TMEM106A: variants seen among roughly 807,000 people sequenced by gnomAD.
TMEM106A encodes the protein transmembrane protein 106A.
A neutral mutation model predicts 25.1 loss-of-function variants in TMEM106A; 22 were observed. The observed-to-expected ratio is 0.88, with a 90% CI of 0.63 to 1.25. The LOEUF (loss-of-function observed/expected upper bound fraction) is 1.25, where lower values mean the gene tolerates loss of function less well. TMEM106A is among the 50% of genes most tolerant of loss of function. TMEM106A has a pLI of 0.00. For missense variants in TMEM106A, 275 were observed against 318.1 expected (o/e 0.86, Z 1.03); for synonymous variants, 104 against 129.9 (o/e 0.80, Z 1.35).
In TMEM106A at chr17:43,217,713, C is replaced by T; in HGVS notation, c.701C>T (p.Ser234Leu). ...GTLTCSYLSH[S>L]EQLVFQSYEY... ...CTGACCTGTTCATACCTGAGCCATTCAGAGCAGCTGGTCTTTCAGAGCTAT... is the reference window on the plus strand; with the variant it reads ...CTGACCTGTTCATACCTGAGCCATTTAGAGCAGCTGGTCTTTCAGAGCTAT... Residue 234 changes from serine to leucine, a missense_variant, in exon 9 of 9, where the codon TCA becomes TTA. Transcript: ENST00000612339. 1 of 1,614,200 alleles carries T rather than the reference C, an allele frequency of 6.2e-7. No homozygotes were observed. The highest frequency in any genetic ancestry group is 8.5e-7 in the Non-Finnish European group (1 of 1,180,026).
intron 7 of TMEM106A, chr17:43,216,957 T>G (rs1354655370): frequency 1.5e-6 from 1 of 652,980 alleles, no homozygotes; most frequent in Non-Finnish European, 2.7e-6. Flanking sequence ...TTGGTTAATC[T>G]TTACAATATG....
rs574551521 is a variant in TMEM106A at position 43,216,178 on chromosome 17, G to A, written c.429+237G>A. On this transcript the variant is annotated intron_variant, in intron 5 of 8. Transcript: ENST00000612339. ...GATAAGTAAACCACAGGGGTGGAGT[G>A]GGGTGACAGTGCCTGAGACTCTCTG... is the stretch of plus-strand genomic sequence containing the variant. 6 of 651,068 alleles carry A rather than the reference G, an allele frequency of 9.2e-6. No homozygotes were observed. In the East Asian group the frequency reaches 1.6e-4, roughly 18 times the overall value. 40.3% of individuals were successfully genotyped at this position (651,068 alleles called of 1,614,324 possible). A position where few individuals can be genotyped will look rare whatever the true frequency, so the allele number is the denominator to read the frequency against.
intron 2 of TMEM106A, 48 bp from the exon 3 acceptor site, chr17:43,212,973 C>A: frequency 6.8e-7 from 1 of 1,470,818 alleles, no homozygotes; most frequent in Non-Finnish European, 9.5e-7. Flanking sequence ...TTACATCTGG[C>A]GTCAGTGCTA....
At chr17:43,216,333 C>A in intron 5 of TMEM106A, 116 bp from the exon 6 acceptor site, 1 of 1,406,630 alleles carries the variant, frequency 7.1e-7, no homozygotes, top group African/African-American at 1.4e-5. Context: ...TCCTCTGCAC[C>A]TGAAGCTTGT....
intron 5 of TMEM106A, 148 bp downstream of exon 5, chr17:43,216,089 A>G (rs1451926316): frequency 1.1e-6 from 1 of 944,830 alleles, no homozygotes; most frequent in Non-Finnish European, 1.6e-6. Context: ...AGGAGCAACC[A>G]TGAGCTCCAT....
chr17:43,216,354 G>T, intron 5 of TMEM106A, 95 bp from the exon 6 acceptor site: 1 of 1,510,006 alleles, frequency 6.6e-7, no homozygotes, highest in African/African-American at 1.4e-5. Context: ...CATGGTAGAT[G>T]GGGCTCAGGC....
chr17:43,216,834 T>G, intron 7 of TMEM106A, 94 bp downstream of exon 7: 1 of 1,545,912 alleles, frequency 6.5e-7, no homozygotes. Flanking sequence ...TAGCAAATTC[T>G]TCAGCCAGCA....
rs550501014 is a variant in TMEM106A at position 43,214,966 on chromosome 17, A to C, written c.276-822A>C. Among the ~76,000 whole-genome samples the C allele has an allele frequency of 5.3e-5, 8 of 150,040 alleles. No individual in the cohort carries two copies. In the South Asian group the frequency reaches 1.1e-3, roughly 20 times the overall value. ...CAGAGCGAGGCCTCATCTGAAAAAAAAAAAAAAACAAAAAAAAACCCTGTA... is the reference window on the plus strand; with the variant it reads ...CAGAGCGAGGCCTCATCTGAAAAAACAAAAAAAACAAAAAAAAACCCTGTA... On this transcript the variant is annotated intron_variant, in intron 4 of 8. Coordinates refer to ENST00000612339, the MANE Select transcript of TMEM106A (RefSeq NM_145041.4).
At position 43,217,249 on chromosome 17, in the gene TMEM106A, TC is replaced by T. The variant is rs759963121; in HGVS notation, c.615-9del. The T allele has an allele frequency of 6.2e-7, 1 of 1,614,038 alleles. No homozygotes were observed. Among genetic ancestry groups the T allele is most frequent in the Non-Finnish European group, 8.5e-7 (1 of 1,179,908 alleles). On this transcript the variant is annotated splice_polypyrimidine_tract_variant and intron_variant, in intron 7 of 8. Coordinates refer to ENST00000612339, the MANE Select transcript of TMEM106A (RefSeq NM_145041.4). ...CACGTGGTCCCACGTTCTCTTTTCTTCTCTCTCAGCAAAATCTGTACCTGGC... is the reference window on the plus strand; with the variant it reads ...CACGTGGTCCCACGTTCTCTTTTCTTTCTCTCAGCAAAATCTGTACCTGGC...
chr17:43,217,233 C>G, intron 7 of TMEM106A, 26 bp from the exon 8 acceptor site: 1 of 1,613,910 alleles, frequency 6.2e-7, no homozygotes. Context: ...ACACGTGGTC[C>G]CACGTTCTCT....
rs375412578 is a variant in TMEM106A at position 43,216,748 on chromosome 17, C to A, written c.614+8C>A. On this transcript the variant is annotated splice_region_variant and intron_variant, in intron 7 of 8. Transcript: ENST00000612339. Reference sequence around the variant, plus strand: ...ACGGGATGAAAACACATAGTGAGTACCCCTTGATCTCTTCTCCCCTAGCCA... The same window carrying A: ...ACGGGATGAAAACACATAGTGAGTAACCCTTGATCTCTTCTCCCCTAGCCA... The A allele has an allele frequency of 2.5e-6, 4 of 1,614,164 alleles. No individual in the cohort carries two copies. In the Admixed American group the frequency reaches 6.7e-5, roughly 27 times the overall value.
chr17:43,216,352 A>C (rs1426624815), intron 5 of TMEM106A, 97 bp from the exon 6 acceptor site: 3 of 1,504,826 alleles, frequency 2.0e-6, no homozygotes, highest in South Asian at 2.4e-5. Context: ...GTCATGGTAG[A>C]TGGGGCTCAG....
In TMEM106A at chr17:43,215,955, CT is replaced by C. The variant is rs1567876533; in HGVS notation, c.429+16del. On this transcript the variant is annotated intron_variant, in intron 5 of 8. Coordinates refer to ENST00000612339, the MANE Select transcript of TMEM106A (RefSeq NM_145041.4). ...CTCAACATAACGGTGGGTGGGTGCC[CT>C]TGGCTCCAAACCCCCCTTCCTAGCA... 1.2e-6 allele frequency: 2 copies of C among 1,613,658 alleles called. No individual in the cohort carries two copies. Among genetic ancestry groups the C allele is most frequent in the Non-Finnish European group, 1.7e-6 (2 of 1,179,742 alleles).
At chr17:43,217,542 C>G in intron 8 of TMEM106A, 139 bp from the exon 9 acceptor site, 2 of 1,485,820 alleles carry the variant, frequency 1.3e-6, no homozygotes, top group Non-Finnish European at 1.8e-6. Flanking sequence ...GGCAGCTGTC[C>G]CAGGTACCTT....
intron 7 of TMEM106A, 199 bp downstream of exon 7, chr17:43,216,939 G>C: frequency 1.4e-6 from 1 of 692,758 alleles, no homozygotes; most frequent in South Asian, 1.8e-5. Flanking sequence ...TGAAAAACAG[G>C]CTGGAATTTG....
intron 3 of TMEM106A, among the ~76,000 whole-genome samples, 192 bp downstream of exon 3, chr17:43,213,444 C>A (rs901993352): frequency 6.6e-6 from 1 of 152,204 alleles, no homozygotes; most frequent in African/African-American, 2.4e-5. Flanking sequence ...CCCTCCTTCC[C>A]TGGTTGTATT....
intron 5 of TMEM106A, 55 bp downstream of exon 5, chr17:43,215,996 C>A (rs1216988334): frequency 1.1e-5 from 18 of 1,607,270 alleles, no homozygotes; most frequent in South Asian, 3.3e-5. Context: ...TTCGCTGTAA[C>A]CTTTGTCCAG....
At chr17:43,215,971 C>T (rs775157552) in intron 5 of TMEM106A, 30 bp downstream of exon 5, 35 of 1,612,862 alleles carry the variant, frequency 2.2e-5, no homozygotes, top group African/African-American at 4.0e-5. Context: ...TCCAAACCCC[C>T]CTTCCTAGCA....
At position 43,212,280 on chromosome 17, in the gene TMEM106A, T is replaced by TCAGCTCAGCC. The variant is rs1287721510; in HGVS notation, c.-131_-122dup. On this transcript the variant is annotated 5_prime_UTR_variant, in exon 2 of 9. Transcript: ENST00000612339. ...GTGCTTCTCCCCACCACCGCCCAGC[T>TCAGCTCAGCC]CAGCTCAGCCCAGCCCAGCCCACTC... 1 of 152,776 alleles carries TCAGCTCAGCC rather than the reference T, an allele frequency of 6.5e-6. No homozygotes were observed. Among genetic ancestry groups the TCAGCTCAGCC allele is most frequent in the Non-Finnish European group, 1.5e-5 (1 of 68,480 alleles). The allele number at this position is 152,776 out of a possible 1,614,324, so 9.5% of individuals were successfully genotyped here. A position where few individuals can be genotyped will look rare whatever the true frequency, so the allele number is the denominator to read the frequency against.
Sources: gnomAD v4.1 joint callset for allele counts (sites outside exome capture counted in the v4.1 genomes callset) on GRCh38, gnomAD v4.1.1 for gene constraint, MANE v1.5 for transcripts, NCBI Gene and HGNC (gene_info 2026-07-23, HGNC 2026-07-21) for gene names.